The following MAML1 variants were observed in gnomAD, a reference collection of about 807,000 sequenced individuals.
The protein encoded by MAML1 is mastermind-like protein 1.
In MAML1, 14 loss-of-function variants were observed where a neutral mutation model predicts 77.1. That is an observed-to-expected ratio of 0.18 (90% CI 0.12 to 0.28). The LOEUF is 0.28. MAML1 is among the 10% of genes least tolerant of loss of function. MAML1 has a pLI of 1.00. For synonymous variants in MAML1, 516 were observed against 551.9 expected (o/e 0.93, Z 0.91); for missense variants, 1,217 against 1,327.8 (o/e 0.92, Z 1.30).
chr5:179,747,031 G>A (rs1581928596), intron 1 of MAML1, among the ~76,000 whole-genome samples: 1 of 152,084 alleles, frequency 6.6e-6, no homozygotes, highest in South Asian at 2.1e-4. Flanking sequence ...ACGAAGTCTT[G>A]CTCTGTCTCC....
intron 1 of MAML1, among the ~76,000 whole-genome samples, chr5:179,741,706 A>G (rs1029359124): frequency 1.4e-5 from 2 of 144,312 alleles, no homozygotes; most frequent in African/African-American, 5.1e-5. Flanking sequence ...AAAAAAAAAG[A>G]ATTTACTTTT....
Position 179,765,993 on chromosome 5 carries a change from G to A in MAML1, c.983G>A (p.Gly328Glu), listed in dbSNP as rs761452849. The A allele has an allele frequency of 1.9e-6, 3 of 1,609,832 alleles. No homozygotes were observed. In the South Asian group the frequency reaches 3.3e-5, roughly 18 times the overall value. The change falls in exon 2 of 5, where the codon GGG (glycine) becomes GAG (glutamate). Residue 328 changes from glycine (G) to glutamate (E), a missense_variant. Gly to Glu is a moderately conservative substitution (Grantham distance 98, BLOSUM62 -2). Coordinates refer to ENST00000292599, the MANE Select transcript of MAML1 (RefSeq NM_014757.5). ...RAGSAGQTFLGPSSAPVSTDS... is the reference protein window; with the variant it reads ...RAGSAGQTFLEPSSAPVSTDS... ...GGGTCTGCAGGGCAGACCTTTCTGG[G>A]GCCTTCCTCTGCCCCTGTGAGTACA...
At chr5:179,765,242 C>A in intron 1 of MAML1, 84 bp from the exon 2 acceptor site, 1 of 1,184,022 alleles carries the variant, frequency 8.4e-7, no homozygotes, top group Admixed American at 2.3e-5. Flanking sequence ...GCGAGCATTG[C>A]AGGGACATCA....
At chr5:179,767,390 C>G (rs947684691) in intron 2 of MAML1, among the ~76,000 whole-genome samples, 29 of 152,150 alleles carry the variant, frequency 1.9e-4, no homozygotes, top group African/African-American at 7.0e-4. Flanking sequence ...GAAATAGACA[C>G]ACTCCTGTAT....
chr5:179,767,097 T>C (rs1779836002), intron 2 of MAML1, among the ~76,000 whole-genome samples: 1 of 67,466 alleles, frequency 1.5e-5, no homozygotes, highest in Admixed American at 1.2e-4. Flanking sequence ...AGGCTTGGCT[T>C]TTTTTTTTTT....
At chr5:179,735,084 T>C (rs952573438) in intron 1 of MAML1, among the ~76,000 whole-genome samples, 9 of 152,240 alleles carry the variant, frequency 5.9e-5, no homozygotes, top group African/African-American at 2.2e-4. Context: ...AGATGACGAG[T>C]TAGTGGGTGC....
At chr5:179,745,754 G>A (rs1779366504) in intron 1 of MAML1, among the ~76,000 whole-genome samples, 1 of 151,384 alleles carries the variant, frequency 6.6e-6, no homozygotes, top group South Asian at 2.1e-4. Flanking sequence ...CAGGTACTGA[G>A]GAGGCTGAGG....
chr5:179,736,267 T>G lies in MAML1; in HGVS notation c.315+2840T>G, dbSNP rs1465271248. The stretch of plus-strand genomic sequence containing the variant: ...TCTTGTAAGGAGGGACTTTTGTTAT[T>G]TTTTTTTAGGGAGTTTCGCTTTGTC... On this transcript the variant is annotated intron_variant, in intron 1 of 4. Transcript: ENST00000292599. Among the ~76,000 whole-genome samples, 3 of 151,636 alleles carry G rather than the reference T, an allele frequency of 2.0e-5. No individual in the cohort carries two copies. In the Admixed American group the frequency reaches 2.0e-4, roughly 10 times the overall value.
intron 1 of MAML1, among the ~76,000 whole-genome samples, chr5:179,757,796 G>A (rs1779650220): frequency 1.3e-5 from 2 of 152,158 alleles, no homozygotes; most frequent in Admixed American, 6.5e-5. Flanking sequence ...CCAAGCACAA[G>A]AATCAATCTA....
Position 179,774,407 on chromosome 5 carries a change from A to C in MAML1, c.2581A>C (p.Thr861Pro), listed in dbSNP as rs1413949392. 1 of 1,613,174 alleles carries C rather than the reference A, an allele frequency of 6.2e-7. No individual in the cohort carries two copies. Among genetic ancestry groups the C allele is most frequent in the African/African-American group, 1.3e-5 (1 of 75,062 alleles). The change falls in exon 5 of 5, where the codon ACT (threonine) becomes CCT (proline). Residue 861 changes from threonine (T) to proline (P), a missense_variant. Thr to Pro is a conservative substitution (Grantham distance 38, BLOSUM62 -1). Coordinates refer to ENST00000292599, the MANE Select transcript of MAML1 (RefSeq NM_014757.5). The part of the protein sequence containing the change: ...TPGNSNVSPF[T>P]AASSFHMQQQ... ...AGGGAACAGCAACGTGAGTCCCTTC[A>C]CTGCAGCCTCCAGTTTCCACATGCA...
At chr5:179,752,342 A>ATATAT (rs1351079259) in intron 1 of MAML1, among the ~76,000 whole-genome samples, 6,926 of 84,588 alleles carry the variant, frequency 0.082, 536 homozygotes, top group Non-Finnish European at 0.11. Context: ...AAAAAAAAAA[A>ATATAT]AAAAAAAAAT....
chr5:179,763,037 G>A (rs935889205), intron 1 of MAML1, among the ~76,000 whole-genome samples: 1 of 152,208 alleles, frequency 6.6e-6, no homozygotes, highest in African/African-American at 2.4e-5. Context: ...TCTAATCTGA[G>A]ACAACCAGCT....
Position 179,776,761 on chromosome 5 carries a change from G to T in MAML1, c.*1884G>T, listed in dbSNP as rs1472199878. 1 of 985,842 alleles carries T rather than the reference G, an allele frequency of 1.0e-6. No homozygotes were observed. The highest frequency in any genetic ancestry group is 6.1e-5 in the Admixed American group (1 of 16,276). 61.1% of individuals were successfully genotyped at this position (985,842 alleles called of 1,614,324 possible). On this transcript the variant is annotated 3_prime_UTR_variant, in exon 5 of 5. Coordinates refer to ENST00000292599, the MANE Select transcript of MAML1 (RefSeq NM_014757.5). Reference sequence around the variant, plus strand: ...CCCTGCACTCCGCCTTAGTCCTGGGGCCGGCGACACAGTGGGGGCTCCTCA... The same window carrying T: ...CCCTGCACTCCGCCTTAGTCCTGGGTCCGGCGACACAGTGGGGGCTCCTCA...
intron 1 of MAML1, among the ~76,000 whole-genome samples, chr5:179,758,809 C>A (rs1779673032): frequency 1.3e-5 from 2 of 152,086 alleles, no homozygotes; most frequent in Non-Finnish European, 2.9e-5. Context: ...TCAAGACCAG[C>A]CTCGCCAACA....
chr5:179,768,918 G>A lies in MAML1; in HGVS notation c.1800G>A (p.Val600=), dbSNP rs768272348. Residue 600 remains valine, a synonymous_variant, in exon 3 of 5, where the codon GTG becomes GTA. Transcript: ENST00000292599. The stretch of plus-strand genomic sequence containing the variant: ...GTGTTGGGACCCAGCCGCCTGCCGT[G>A]TCCGTGGCCAGCTCCCACAACAGCT... ...ATSVGTQPPA[V]SVASSHNSSP... 6.2e-7 allele frequency: 1 copy of A among 1,614,136 alleles called. No individual in the cohort carries two copies.
chr5:179,773,607 C>A, intron 4 of MAML1: 1 of 382,856 alleles, frequency 2.6e-6, no homozygotes, highest in Non-Finnish European at 3.6e-6. Flanking sequence ...GTGCCCACCA[C>A]AGGGTCCCCA....
chr5:179,765,961 G>A lies in MAML1; in HGVS notation c.951G>A (p.Val317=), dbSNP rs1410673947. The A allele has an allele frequency of 2.5e-6, 4 of 1,613,942 alleles. No individual in the cohort carries two copies. Among genetic ancestry groups the A allele is most frequent in the African/African-American group, 1.3e-5 (1 of 74,904 alleles). ...FEQEQLGSPQ[V]RAGSAGQTFL... Reference sequence around the variant, plus strand: ...AAGAACAGTTAGGCTCTCCACAAGTGAGGGCCGGGTCTGCAGGGCAGACCT... The same window carrying A: ...AAGAACAGTTAGGCTCTCCACAAGTAAGGGCCGGGTCTGCAGGGCAGACCT... The change falls in exon 2 of 5, where the codon GTG becomes GTA. Residue 317 remains valine, a synonymous_variant. Coordinates refer to ENST00000292599, the MANE Select transcript of MAML1 (RefSeq NM_014757.5).
At position 179,775,201 on chromosome 5, in the gene MAML1, G is replaced by T; in HGVS notation, c.*324G>T. 3 of 1,059,828 alleles carry T rather than the reference G, an allele frequency of 2.8e-6. No individual in the cohort carries two copies. Among genetic ancestry groups the T allele is most frequent in the Non-Finnish European group, 3.4e-6 (3 of 878,240 alleles). The allele number at this position is 1,059,828 out of a possible 1,614,324, so 65.7% of individuals were successfully genotyped here. On this transcript the variant is annotated 3_prime_UTR_variant, in exon 5 of 5. Transcript: ENST00000292599. The stretch of plus-strand genomic sequence containing the variant: ...CACCAGTGAAACCCCACACTGTCGG[G>T]CTTATAAAAATCTGTGCCATCATGG...
Position 179,769,996 on chromosome 5 carries a change from C to A in MAML1, c.1971+907C>A, listed in dbSNP as rs1755944886. On this transcript the variant is annotated intron_variant, in intron 3 of 4. Coordinates refer to ENST00000292599, the MANE Select transcript of MAML1 (RefSeq NM_014757.5). The surrounding 1 kb of genome is among the most constrained non-coding windows in gnomAD (Gnocchi z 4.2). ...CATACACTTCACCCACGTAAGTGAA[C>A]AATTTAGTCATTTTTAGTATATCAC... is the stretch of plus-strand genomic sequence containing the variant. Among the ~76,000 whole-genome samples the A allele has an allele frequency of 6.6e-6, 1 of 152,190 alleles. No homozygotes were observed. Among genetic ancestry groups the A allele is most frequent in the South Asian group, 2.1e-4 (1 of 4,824 alleles).
Sources: gnomAD v4.1 joint callset for allele counts (sites outside exome capture counted in the v4.1 genomes callset) on GRCh38, gnomAD v4.1.1 for gene constraint, Gnocchi (gnomAD v3.1) non-coding constraint, MANE v1.5 for transcripts, NCBI Gene and HGNC (gene_info 2026-07-23, HGNC 2026-07-21) for gene names.